Variants in MACROD2 observed in about 807,000 individuals in gnomAD.
MACROD2 encodes mono-ADP ribosylhydrolase 2.
Under a neutral mutation model 70.4 loss-of-function variants are expected in MACROD2, and 36 were observed. The observed-to-expected ratio is 0.51, with a 90% CI of 0.39 to 0.68. MACROD2 has a LOEUF of 0.68. MACROD2 is among the 30% of genes least tolerant of loss of function. The pLI is 0.00. For missense variants in MACROD2, 496 were observed against 538.4 expected (o/e 0.92, Z 0.78); for synonymous variants, 172 against 178.8 (o/e 0.96, Z 0.30).
chr20:15,379,101 G>A (rs1157199952), intron 6 of MACROD2, among the ~76,000 whole-genome samples: 2 of 152,102 alleles, frequency 1.3e-5, no homozygotes, highest in African/African-American at 4.8e-5. Flanking sequence ...ATTACAAATA[G>A]TTATTGAAAC....
At chr20:14,177,930 A>C (rs2081275963) in intron 3 of MACROD2, among the ~76,000 whole-genome samples, 1 of 152,200 alleles carries the variant, frequency 6.6e-6, no homozygotes, top group African/African-American at 2.4e-5. Flanking sequence ...TTTTTCTTTA[A>C]ATTTTGTATA....
intron 8 of MACROD2, among the ~76,000 whole-genome samples, chr20:15,815,897 A>G (rs2063868731): frequency 6.6e-6 from 1 of 152,104 alleles, no homozygotes. Flanking sequence ...TTAAATCTTA[A>G]GTTTATTTAC....
chr20:14,987,492 A>G (rs959440724), intron 5 of MACROD2, among the ~76,000 whole-genome samples: 2 of 152,160 alleles, frequency 1.3e-5, no homozygotes, highest in African/African-American at 2.4e-5. Context: ...TGTGTGTTTA[A>G]TGTACAGTAT....
At chr20:15,311,407 A>G (rs1453816181) in intron 6 of MACROD2, among the ~76,000 whole-genome samples, 1 of 152,214 alleles carries the variant, frequency 6.6e-6, no homozygotes, top group East Asian at 1.9e-4. Flanking sequence ...CAGAGCTACC[A>G]TTTGACCCAG....
intron 6 of MACROD2, among the ~76,000 whole-genome samples, chr20:15,324,695 C>T (rs2423922): frequency 0.59 from 89,600 of 151,910 alleles, 27,586 homozygotes; most frequent in African/African-American, 0.78. Context: ...TGGTGGCCTT[C>T]GAAGGAGGTC....
intron 3 of MACROD2, among the ~76,000 whole-genome samples, chr20:14,269,488 A>G (rs1040341969): frequency 6.6e-6 from 1 of 152,222 alleles, no homozygotes; most frequent in African/African-American, 2.4e-5. Context: ...TTTTCAAGAT[A>G]GTATTGGCAA....
intron 8 of MACROD2, among the ~76,000 whole-genome samples, chr20:15,624,706 A>G (rs1427951635): frequency 1.3e-5 from 2 of 152,216 alleles, no homozygotes; most frequent in East Asian, 3.8e-4. Context: ...TACGGTGGAA[A>G]CAACATTCTC....
At chr20:15,842,680 C>T (rs981110382) in intron 8 of MACROD2, among the ~76,000 whole-genome samples, 54 of 147,690 alleles carry the variant, frequency 3.7e-4, no homozygotes, top group African/African-American at 1.2e-3. Flanking sequence ...GATGGATGTA[C>T]GGATAGATGG....
At chr20:14,401,041 G>C (rs2083632565) in intron 3 of MACROD2, among the ~76,000 whole-genome samples, 2 of 152,006 alleles carry the variant, frequency 1.3e-5, no homozygotes, top group African/African-American at 4.8e-5. Flanking sequence ...TGAAGTGGCT[G>C]GTCAATTTAA....
chr20:15,705,412 T>C (rs2050518385), intron 8 of MACROD2, among the ~76,000 whole-genome samples: 1 of 152,174 alleles, frequency 6.6e-6, no homozygotes, highest in Admixed American at 6.5e-5. Flanking sequence ...CTTTATTTTT[T>C]ATTGTGCCCC....
At chr20:15,040,090 G>C (rs1279701193) in intron 5 of MACROD2, among the ~76,000 whole-genome samples, 2 of 152,148 alleles carry the variant, frequency 1.3e-5, no homozygotes, top group African/African-American at 2.4e-5. Context: ...GAACCATATA[G>C]AGGTGATCTC....
chr20:15,586,281 G>A (rs556890844), intron 8 of MACROD2, among the ~76,000 whole-genome samples: 13 of 152,288 alleles, frequency 8.5e-5, no homozygotes, highest in African/African-American at 3.1e-4. Context: ...TGGGGCCTTA[G>A]GATTTGCATT....
intron 3 of MACROD2, among the ~76,000 whole-genome samples, chr20:14,177,573 C>T (rs1446291996): frequency 6.6e-6 from 1 of 152,060 alleles, no homozygotes; most frequent in Non-Finnish European, 1.5e-5. Flanking sequence ...GCCTCGGCCT[C>T]CCAAAGTGCT....
intron 3 of MACROD2, among the ~76,000 whole-genome samples, chr20:14,105,710 A>G (rs2054360292): frequency 6.6e-6 from 1 of 152,184 alleles, no homozygotes; most frequent in African/African-American, 2.4e-5. Context: ...CCAACCCCAG[A>G]CAGTGCAGTT....
chr20:14,338,938 A>G (rs1420755264), intron 3 of MACROD2, among the ~76,000 whole-genome samples: 1 of 152,068 alleles, frequency 6.6e-6, no homozygotes, highest in Non-Finnish European at 1.5e-5. Context: ...TAGCTTTTAT[A>G]TTTACCTGGA....
chr20:14,952,394 C>T (rs2074483035), intron 5 of MACROD2, among the ~76,000 whole-genome samples: 1 of 152,132 alleles, frequency 6.6e-6, no homozygotes, highest in African/African-American at 2.4e-5. Context: ...GAAGTGTTAA[C>T]ATCTATGCTG....
chr20:14,827,631 C>T (rs958474551), intron 5 of MACROD2, among the ~76,000 whole-genome samples: 10 of 151,566 alleles, frequency 6.6e-5, no homozygotes, highest in African/African-American at 2.4e-4. Context: ...ATAGACTTCA[C>T]AGATAATGTA....
intron 8 of MACROD2, among the ~76,000 whole-genome samples, chr20:15,781,348 A>G (rs2051827579): frequency 6.6e-6 from 1 of 152,184 alleles, no homozygotes; most frequent in Admixed American, 6.5e-5. Flanking sequence ...GTGGCCTTCT[A>G]TGTGACCCAT....
At chr20:15,989,236 T>A (rs1452332655) in intron 15 of MACROD2, among the ~76,000 whole-genome samples, 1 of 152,186 alleles carries the variant, frequency 6.6e-6, no homozygotes, top group Non-Finnish European at 1.5e-5. Context: ...TCATTCTTCT[T>A]CACTATTTTG....
Sources: gnomAD v4.1 joint callset for allele counts (sites outside exome capture counted in the v4.1 genomes callset) on GRCh38, gnomAD v4.1.1 for gene constraint, MANE v1.5 for transcripts, NCBI Gene and HGNC (gene_info 2026-07-23, HGNC 2026-07-21) for gene names.